The following SLC39A8 variants were observed in gnomAD, a reference collection of about 807,000 sequenced individuals.
SLC39A8 encodes solute carrier family 39 member 8, also known as metal cation symporter ZIP8.
SLC39A8 carries 15 observed loss-of-function variants against 40.4 expected under a neutral mutation model. The ratio of observed to expected loss-of-function variants is 0.37; its 90% confidence interval spans 0.25 to 0.57. The LOEUF is 0.57. Ranked by LOEUF, SLC39A8 falls within the 20% of genes least tolerant of loss-of-function variation. SLC39A8 has a pLI of 0.75. For missense variants in SLC39A8, 472 were observed against 558.8 expected (o/e 0.84, Z 1.57); for synonymous variants, 223 against 221.6 (o/e 1.01, Z -0.06).
downstream of SLC39A8, among the ~76,000 whole-genome samples, chr4:102,261,128 G>A (rs1731836776): frequency 1.4e-5 from 1 of 69,384 alleles, no homozygotes; most frequent in African/African-American, 1.0e-4. Context: ...AGTAACATCA[G>A]TGTTGGAGAA....
chr4:102,258,150 G>A (rs1731755890), downstream of SLC39A8, among the ~76,000 whole-genome samples: 2 of 148,850 alleles, frequency 1.3e-5, no homozygotes. Flanking sequence ...TGTCACCCAG[G>A]CTGGAGTGCA....
intron 2 of SLC39A8, among the ~76,000 whole-genome samples, chr4:102,330,188 G>T (rs1197875389): frequency 1.3e-5 from 2 of 152,212 alleles, no homozygotes; most frequent in East Asian, 3.9e-4. Context: ...AACTGAAGGA[G>T]ACAGAGGCAC....
intron 2 of SLC39A8, among the ~76,000 whole-genome samples, chr4:102,327,654 C>T (rs1430344802): frequency 1.3e-5 from 2 of 152,156 alleles, no homozygotes; most frequent in African/African-American, 4.8e-5. Context: ...TCAATAAGAT[C>T]ATAAAAATCT....
intron 5 of SLC39A8, 129 bp from the exon 6 acceptor site, chr4:102,304,610 A>G: frequency 1.5e-6 from 1 of 672,832 alleles, no homozygotes; most frequent in African/African-American, 1.8e-5. Context: ...GTAAAGAAGT[A>G]TTTTTAGATA....
At chr4:102,283,555 C>G (rs1303561902) in intron 6 of SLC39A8, among the ~76,000 whole-genome samples, 1 of 136,556 alleles carries the variant, frequency 7.3e-6, no homozygotes, top group East Asian at 2.2e-4. Flanking sequence ...ACTTCACACA[C>G]AATTAAAATA....
chr4:102,297,364 T>C (rs950841246), intron 6 of SLC39A8, among the ~76,000 whole-genome samples: 6 of 152,134 alleles, frequency 3.9e-5, no homozygotes, highest in Non-Finnish European at 5.9e-5. Context: ...ATCTGCAAGA[T>C]GGAAATAATA....
intron 2 of SLC39A8, among the ~76,000 whole-genome samples, chr4:102,331,773 A>G (rs1735476514): frequency 6.6e-6 from 1 of 152,236 alleles, no homozygotes; most frequent in Admixed American, 6.5e-5. Context: ...CTATAGTACA[A>G]GGCTACAGTA....
downstream of SLC39A8, chr4:102,259,369 A>G (rs372990265): frequency 1.1e-6 from 1 of 902,324 alleles, no homozygotes. Context: ...AATAACATGC[A>G]CAGTCACTGC....
At chr4:102,253,114 C>G in exon 12 of SLC39A8, 1 of 274,518 alleles carries the variant, frequency 3.6e-6, no homozygotes, top group South Asian at 1.6e-4. Context: ...CAAATAAGGT[C>G]ACATTCTGAA....
intron 6 of SLC39A8, among the ~76,000 whole-genome samples, chr4:102,273,767 G>C (rs1732483404): frequency 1.3e-5 from 2 of 152,212 alleles, no homozygotes; most frequent in South Asian, 4.1e-4. Flanking sequence ...AGCAATCTTT[G>C]CTGTTCTACA....
chr4:102,325,915 T>G (rs866753307), intron 2 of SLC39A8, among the ~76,000 whole-genome samples: 1 of 152,216 alleles, frequency 6.6e-6, no homozygotes, highest in Non-Finnish European at 1.5e-5. Flanking sequence ...GTCTTTGTCA[T>G]AGTGATGGAC....
rs1481431618 is a variant in SLC39A8 at position 102,344,513 on chromosome 4, G to C, written c.150C>G (p.His50Gln). 2 of 1,558,722 alleles carry C rather than the reference G, an allele frequency of 1.3e-6. No individual in the cohort carries two copies. Among genetic ancestry groups the C allele is most frequent in the Non-Finnish European group, 1.7e-6 (2 of 1,152,060 alleles). ...AGGCGGCTCCCATCTGCTCCAGCAA[G>C]TGCTGGAGCTGCGCCGCCGACAGGC... ...NLSLSAAQLQHLLEQMGAASR... is the reference protein window; with the variant it reads ...NLSLSAAQLQQLLEQMGAASR... Residue 50 changes from histidine (H) to glutamine (Q), a missense_variant, in exon 2 of 9, where the codon CAC becomes CAG. By Grantham distance (24) the His-to-Gln change is conservative. This residue lies in a region of SLC39A8 where 175 missense variants were observed against 160.5 expected (regional missense o/e 1.09). Transcript: ENST00000356736.
chr4:102,339,734 T>G (rs997372052), intron 2 of SLC39A8, among the ~76,000 whole-genome samples: 1 of 152,210 alleles, frequency 6.6e-6, no homozygotes. Flanking sequence ...TATTACCTTC[T>G]GAGTTTCTCC....
intron 11 of SLC39A8, among the ~76,000 whole-genome samples, chr4:102,254,507 A>T (rs558683269): frequency 6.6e-6 from 1 of 152,254 alleles, no homozygotes; most frequent in Non-Finnish European, 1.5e-5. Context: ...TTTGGAAGAA[A>T]GTGAAATATA....
chr4:102,295,003 A>AT (rs1297652643), intron 6 of SLC39A8, among the ~76,000 whole-genome samples: 1 of 151,592 alleles, frequency 6.6e-6, no homozygotes, highest in African/African-American at 2.4e-5. Flanking sequence ...GTAAACAAAC[A>AT]TAAGAGGCTG....
intron 2 of SLC39A8, among the ~76,000 whole-genome samples, chr4:102,321,388 G>A (rs1444446035): frequency 1.3e-5 from 2 of 152,188 alleles, no homozygotes; most frequent in African/African-American, 2.4e-5. Context: ...AGAATAGGAT[G>A]GAGCCATGGG....
At chr4:102,282,262 GACTAAAT>G (rs1476019562) in intron 6 of SLC39A8, among the ~76,000 whole-genome samples, 1 of 152,136 alleles carries the variant, frequency 6.6e-6, no homozygotes, top group Admixed American at 6.6e-5. Context: ...AGTGTTTGTT[GACTAAAT>G]AAATGTGTAG....
intron 6 of SLC39A8, among the ~76,000 whole-genome samples, chr4:102,302,241 A>G (rs1483949631): frequency 2.0e-5 from 3 of 152,036 alleles, no homozygotes; most frequent in African/African-American, 4.8e-5. Context: ...AATTCAAGTT[A>G]GGCTCCAAAT....
intron 6 of SLC39A8, among the ~76,000 whole-genome samples, chr4:102,290,670 C>T (rs1253043548): frequency 6.7e-6 from 1 of 149,890 alleles, no homozygotes; most frequent in African/African-American, 2.5e-5. Context: ...CAATTTGGCC[C>T]CTGAAAATGA....
Sources: allele counts gnomAD v4.1 joint callset (sites outside exome capture counted in the v4.1 genomes callset), GRCh38; gene constraint gnomAD v4.1.1; regional missense constraint gnomAD v4.1.1; transcripts MANE v1.5; gene names NCBI Gene and HGNC (gene_info 2026-07-23, HGNC 2026-07-21).